Variants in FAAH2 observed in about 807,000 individuals in gnomAD.
FAAH2 encodes the protein fatty acid amide hydrolase 2.
FAAH2 carries 60 observed loss-of-function variants against 36.9 expected under a neutral mutation model. The ratio of observed to expected loss-of-function variants is 1.63; its 90% CI spans 1.32 to 2.02. The LOEUF (loss-of-function observed/expected upper bound fraction) is 2.02, where lower values mean the gene tolerates loss of function less well. Among genes scored for constraint, FAAH2 ranks in the 30% most tolerant of loss-of-function variants. The probability of loss-of-function intolerance (pLI) is 0.00; values close to 1 mark genes in which losing one functional copy is unlikely to be tolerated. For synonymous variants in FAAH2, 214 were observed against 143.8 expected (o/e 1.49, Z -3.49); for missense variants, 689 against 397.5 (o/e 1.73, Z -6.23).
At chrX:57,203,072 AAGACACACACAC>A in the FAAH2 span, among the ~76,000 whole-genome samples, 1 of 112,227 alleles carries the variant, frequency 8.9e-6, no homozygotes, top group African/African-American at 3.2e-5. Context: ...AAAGGAATTA[AAGACACACACAC>A]AGAAATATAG....
At chrX:57,431,236 C>T (rs2056286301) in intron 7 of FAAH2, among the ~76,000 whole-genome samples, 1 of 111,690 alleles carries the variant, frequency 9.0e-6, no homozygotes, top group Admixed American at 9.5e-5. Context: ...AGACTTGAGT[C>T]TAGTTATAGG....
At chrX:57,281,788 T>A (rs2051757269), upstream of FAAH2, among the ~76,000 whole-genome samples, 1 of 111,601 alleles carries the variant, frequency 9.0e-6, no homozygotes, top group Non-Finnish European at 1.9e-5. Context: ...CCTCATTGTT[T>A]AGCTTCCACT....
Position 57,422,075 on chromosome X carries a change from A to G in FAAH2, c.997-9843A>G, listed in dbSNP as rs181587154. Among the ~76,000 whole-genome samples, 270 of 111,522 alleles carry G rather than the reference A, an allele frequency of 2.4e-3. 2 individuals carry two copies. The highest frequency in any genetic ancestry group is 6.8e-4 in the Non-Finnish European group (36 of 53,135). On this transcript the variant is annotated intron_variant, in intron 7 of 10. Transcript: ENST00000374900. ...CTTCCGGCTGTCTTTACTAACAGAC[A>G]TAGGAAAAAAAAAACATTCTTTTAG...
intron 7 of FAAH2, among the ~76,000 whole-genome samples, chrX:57,420,440 C>T (rs1224677028): frequency 1.8e-5 from 2 of 111,581 alleles, no homozygotes; most frequent in Non-Finnish European, 3.8e-5. Context: ...CTTCACATCC[C>T]TTGTAAGTTG....
At chrX:57,445,717 C>A (rs1422417062) in intron 8 of FAAH2, among the ~76,000 whole-genome samples, 3 of 112,291 alleles carry the variant, frequency 2.7e-5, no homozygotes, top group African/African-American at 9.7e-5. Flanking sequence ...ACAAAATCTT[C>A]TGTACTTTTC....
intron 5 of FAAH2, among the ~76,000 whole-genome samples, chrX:57,342,392 T>G (rs2053710384): frequency 9.0e-6 from 1 of 111,024 alleles, no homozygotes; most frequent in African/African-American, 3.3e-5. Flanking sequence ...GGGAGGATGG[T>G]TAGGATCAGG....
chrX:57,484,036 C>A (rs1364029110), intron 10 of FAAH2, among the ~76,000 whole-genome samples: 3 of 109,799 alleles, frequency 2.7e-5, no homozygotes, highest in East Asian at 5.7e-4. Context: ...AACTCCTGAC[C>A]TCAAGTGATC....
chrX:57,374,054 A>G (rs2054612640), intron 5 of FAAH2, among the ~76,000 whole-genome samples: 1 of 111,563 alleles, frequency 9.0e-6, no homozygotes, highest in Non-Finnish European at 1.9e-5. Flanking sequence ...TGGGTTCTCT[A>G]TTCTGTTCCG....
chrX:57,218,870 A>C, the FAAH2 span, among the ~76,000 whole-genome samples: 1 of 111,514 alleles, frequency 9.0e-6, no homozygotes, highest in Non-Finnish European at 1.9e-5. Context: ...TATCATTTAA[A>C]TCTCGCTGCT....
At position 57,380,960 on chromosome X, in the gene FAAH2, G is replaced by A; in HGVS notation, c.927G>A (p.Trp309Ter). The change falls in exon 7 of 11, where the codon TGG (tryptophan) becomes TGA (stop). Residue 309 changes from tryptophan to a stop codon, truncating the protein, a stop_gained. Transcript: ENST00000374900. LOFTEE classifies it high-confidence loss of function. ...KVHLKDLKFY[W>*]MEHDGGSFLM... ...ATTTAAAAGACTTAAAATTTTACTG[G>A]ATGGAACATGATGGAGGCTCATTTT... The A allele has an allele frequency of 8.3e-7, 1 of 1,200,890 alleles. No individual in the cohort carries two copies. The highest frequency in any genetic ancestry group is 1.1e-6 in the Non-Finnish European group (1 of 890,073).
At chrX:57,308,804 C>T in intron 2 of FAAH2, among the ~76,000 whole-genome samples, 1 of 111,264 alleles carries the variant, frequency 9.0e-6, no homozygotes, top group East Asian at 2.8e-4. Context: ...ATCCATTTTC[C>T]CAATGCATTC....
chrX:57,429,372 G>A (rs2056240080), intron 7 of FAAH2, among the ~76,000 whole-genome samples: 1 of 107,967 alleles, frequency 9.3e-6, no homozygotes, highest in African/African-American at 3.4e-5. Context: ...CTAAAATGTA[G>A]GCAAATGGCA....
the FAAH2 span, among the ~76,000 whole-genome samples, chrX:57,253,066 G>C: frequency 4.5e-5 from 5 of 111,882 alleles, no homozygotes; most frequent in African/African-American, 1.3e-4. Context: ...GTACAGAAGA[G>C]CTTAAATTAC....
intron 10 of FAAH2, among the ~76,000 whole-genome samples, chrX:57,469,625 A>C (rs749639911): frequency 1.8e-5 from 2 of 111,580 alleles, no homozygotes; most frequent in South Asian, 7.6e-4. Flanking sequence ...TACAAAGAGA[A>C]TTACACTCCA....
At chrX:57,472,116 G>A (rs975282719) in intron 10 of FAAH2, among the ~76,000 whole-genome samples, 2 of 112,134 alleles carry the variant, frequency 1.8e-5, no homozygotes, top group Non-Finnish European at 3.8e-5. Flanking sequence ...AGACTTAAAT[G>A]TTAGACCTAA....
intron 10 of FAAH2, among the ~76,000 whole-genome samples, chrX:57,465,345 G>A (rs1371671021): frequency 9.0e-6 from 1 of 111,308 alleles, no homozygotes; most frequent in Non-Finnish European, 1.9e-5. Flanking sequence ...AAAGTTTGAG[G>A]ACATTATATC....
At chrX:57,478,957 A>T (rs758390611) in intron 10 of FAAH2, among the ~76,000 whole-genome samples, 532 of 111,397 alleles carry the variant, frequency 4.8e-3, no homozygotes, top group Non-Finnish European at 7.5e-3. Flanking sequence ...CTTAGGATTG[A>T]CTTGGCAATG....
chrX:57,219,481 G>T, the FAAH2 span, among the ~76,000 whole-genome samples: 1 of 111,671 alleles, frequency 9.0e-6, no homozygotes, highest in African/African-American at 3.3e-5. Context: ...CTCGCCTACT[G>T]GTAAGTTTCC....
the FAAH2 span, among the ~76,000 whole-genome samples, chrX:57,266,503 T>A: frequency 8.9e-6 from 1 of 112,753 alleles, no homozygotes; most frequent in Non-Finnish European, 1.9e-5. Context: ...CAGGGGCAAC[T>A]GAAAGCCTCT....
Sources: gnomAD v4.1 joint callset for allele counts (sites outside exome capture counted in the v4.1 genomes callset) on GRCh38, gnomAD v4.1.1 for gene constraint, MANE v1.5 for transcripts, NCBI Gene and HGNC (gene_info 2026-07-23, HGNC 2026-07-21) for gene names.